ABHD18: variants seen among roughly 807,000 people sequenced by gnomAD.
ABHD18 encodes abhydrolase domain containing 18.
ABHD18 carries 55 observed loss-of-function variants against 65.9 expected under a neutral mutation model. That is an observed-to-expected ratio of 0.84 (90% CI 0.67 to 1.05). The LOEUF (loss-of-function observed/expected upper bound fraction) is 1.05, where lower values mean the gene tolerates loss of function less well. ABHD18 is among the 50% of genes least tolerant of loss of function. The probability of loss-of-function intolerance (pLI) is 0.00; values close to 1 mark genes in which losing one functional copy is unlikely to be tolerated. For synonymous variants in ABHD18, 181 were observed against 180.2 expected (o/e 1.00, Z -0.04); for missense variants, 533 against 558.5 (o/e 0.95, Z 0.46).
chr4:128,003,322 C>T (rs111642611), intron 4 of ABHD18, among the ~76,000 whole-genome samples: 6,890 of 150,874 alleles, frequency 0.046, 352 homozygotes, highest in African/African-American at 0.13. Context: ...GAGCCGAGAT[C>T]GCGCCACTGT....
rs1759173624 is a variant in ABHD18 at position 128,039,475 on chromosome 4, T to A, written c.*3662T>A. 1 of 152,078 alleles carries A rather than the reference T, an allele frequency of 6.6e-6. No homozygotes were observed. The highest frequency in any genetic ancestry group is 2.4e-5 in the African/African-American group (1 of 41,454). 9.4% of individuals were successfully genotyped at this position (152,078 alleles called of 1,614,324 possible). On this transcript the variant is annotated 3_prime_UTR_variant, in exon 13 of 13. Coordinates refer to ENST00000645843, the MANE Select transcript of ABHD18 (RefSeq NM_001358451.3). ...TGCTCAGCCCTGAAGACCTCTAAGT[T>A]TGAGACCCCTGATTTAGATCTGTAA...
At chr4:128,033,503 G>A (rs1274158459) in intron 12 of ABHD18, among the ~76,000 whole-genome samples, 1 of 149,396 alleles carries the variant, frequency 6.7e-6, no homozygotes, top group Non-Finnish European at 1.5e-5. Flanking sequence ...CTATTAGCAG[G>A]CTATCAGTTT....
intron 12 of ABHD18, chr4:128,031,087 T>C: frequency 2.0e-6 from 2 of 990,434 alleles, no homozygotes; most frequent in South Asian, 9.2e-5. Context: ...AAGTGAATAT[T>C]GAACCTTAAA....
intron 12 of ABHD18, among the ~76,000 whole-genome samples, chr4:128,033,947 A>G (rs1228133076): frequency 7.2e-6 from 1 of 139,130 alleles, no homozygotes; most frequent in African/African-American, 2.7e-5. Context: ...ATAGACATGC[A>G]TTTTCTTTTT....
chr4:128,033,319 T>A (rs1282505409), intron 12 of ABHD18, among the ~76,000 whole-genome samples: 2 of 152,148 alleles, frequency 1.3e-5, no homozygotes, highest in African/African-American at 4.8e-5. Flanking sequence ...ATTGCTGTCA[T>A]ATCTGTCTTC....
chr4:128,011,695 C>T lies in ABHD18; in HGVS notation c.465C>T (p.Asp155=), dbSNP rs1279059299. The T allele has an allele frequency of 1.9e-6, 3 of 1,549,556 alleles. No homozygotes were observed. The highest frequency in any genetic ancestry group is 1.4e-5 in the African/African-American group (1 of 72,956). Residue 155 remains aspartate (D), a synonymous_variant, in exon 7 of 13, where the codon GAC becomes GAT. Transcript: ENST00000645843. ...NPYYGCRKPK[D]QVRSSLKNVS... ...TAAATGGCTGCAGGAAACCCAAGGA[C>T]CAAGTGTAAGTATATATCACTTTCA...
At position 128,037,474 on chromosome 4, in the gene ABHD18, A is replaced by T. The variant is rs1395848280; in HGVS notation, c.*1661A>T. On this transcript the variant is annotated 3_prime_UTR_variant, in exon 13 of 13. Transcript: ENST00000645843. ...TCCTGCCTCCACCTGAGTAGCTGAGATTACAGGTGCCCGCCACCATGCCTG... is the reference window on the plus strand; with the variant it reads ...TCCTGCCTCCACCTGAGTAGCTGAGTTTACAGGTGCCCGCCACCATGCCTG... The T allele has an allele frequency of 2.6e-5, 4 of 151,652 alleles. No individual in the cohort carries two copies. Among genetic ancestry groups the T allele is most frequent in the Non-Finnish European group, 5.9e-5 (4 of 67,962 alleles). The allele number at this position is 151,652 out of a possible 1,614,324, so 9.4% of individuals were successfully genotyped here.
At chr4:127,990,515 G>C (rs1307244302) in intron 4 of ABHD18, among the ~76,000 whole-genome samples, 3 of 152,034 alleles carry the variant, frequency 2.0e-5, no homozygotes, top group African/African-American at 7.2e-5. Context: ...AGTGAGCCAA[G>C]TGTGCCACTG....
chr4:127,968,095 G>C (rs1318834679), intron 1 of ABHD18, among the ~76,000 whole-genome samples: 2 of 152,226 alleles, frequency 1.3e-5, no homozygotes, highest in African/African-American at 2.4e-5. Flanking sequence ...TGTAGTCCCA[G>C]CTACTCGGAG....
rs33997142 is a variant in ABHD18 at position 128,038,995 on chromosome 4, T to TC, written c.*3188dup. The TC allele has an allele frequency of 6.6e-6, 1 of 151,094 alleles. No homozygotes were observed. The highest frequency in any genetic ancestry group is 1.5e-5 in the Non-Finnish European group (1 of 67,790). The allele number at this position is 151,094 out of a possible 1,614,324, so 9.4% of individuals were successfully genotyped here. ...CTTTTCTTAGGATTTTTTAATCTAT[T>TC]CCCCCCAAAATGGTGGCTTAAGTGT... On this transcript the variant is annotated 3_prime_UTR_variant, in exon 13 of 13. Transcript: ENST00000645843.
Position 127,994,374 on chromosome 4 carries a change from C to T in ABHD18, c.278+4553C>T, listed in dbSNP as rs149298616. ...CTTTGGGAGGCCGAGGTGGGCAGAT[C>T]ACCTTGAGGTCAGGAGTTCGAGACC... On this transcript the variant is annotated intron_variant, in intron 4 of 12. Transcript: ENST00000645843. 6.0e-3 allele frequency among the ~76,000 whole-genome samples: 912 copies of T among 152,252 alleles called. 9 individuals are homozygous for T. The highest frequency in any genetic ancestry group is 0.021 in the African/African-American group (867 of 41,548).
chr4:127,979,124 A>C (rs1748507146), intron 1 of ABHD18, among the ~76,000 whole-genome samples: 1 of 152,242 alleles, frequency 6.6e-6, no homozygotes, highest in African/African-American at 2.4e-5. Flanking sequence ...AATAAATATA[A>C]ATGTCCTAAA....
At chr4:128,007,582 A>G (rs1753814942) in intron 4 of ABHD18, among the ~76,000 whole-genome samples, 1 of 151,742 alleles carries the variant, frequency 6.6e-6, no homozygotes, top group Admixed American at 6.6e-5. Context: ...TGTCTAAAAA[A>G]AATGAAAAAT....
rs61578534 is a variant in ABHD18, at chr4:128,039,144, C to CATAT, written c.*3369_*3372dup. ...TATGTATTATATATACACACATATGCATATATATATATATATATATATATA... is the reference window on the plus strand; with the variant it reads ...TATGTATTATATATACACACATATGCATATATATATATATATATATATATATATA... On this transcript the variant is annotated 3_prime_UTR_variant, in exon 13 of 13. Transcript: ENST00000645843. 3,721 of 99,142 alleles carry CATAT rather than the reference C, an allele frequency of 0.038. 75 individuals are homozygous for CATAT. The highest frequency in any genetic ancestry group is 0.048 in the South Asian group (144 of 3,010). The allele number at this position is 99,142 out of a possible 1,614,324, so 6.1% of individuals were successfully genotyped here.
intron 7 of ABHD18, among the ~76,000 whole-genome samples, chr4:128,014,925 G>T (rs1289702573): frequency 1.3e-5 from 2 of 151,876 alleles, no homozygotes; most frequent in East Asian, 3.9e-4. Flanking sequence ...TAAAAATACA[G>T]AAATTAGCTG....
intron 1 of ABHD18, among the ~76,000 whole-genome samples, chr4:127,972,518 C>T (rs1747026652): frequency 2.4e-5 from 3 of 125,594 alleles, no homozygotes; most frequent in South Asian, 5.2e-4. Context: ...ACCAGATATA[C>T]TCTTTTTTTT....
chr4:128,037,921 C>T lies in ABHD18; in HGVS notation c.*2108C>T, dbSNP rs1467543213. 2 of 151,896 alleles carry T rather than the reference C, an allele frequency of 1.3e-5. No homozygotes were observed. Among genetic ancestry groups the T allele is most frequent in the African/African-American group, 4.8e-5 (2 of 41,374 alleles). 9.4% of individuals were successfully genotyped at this position (151,896 alleles called of 1,614,324 possible). On this transcript the variant is annotated 3_prime_UTR_variant, in exon 13 of 13. Transcript: ENST00000645843. ...CTGTCAGCTAAAATGTTAAAAAAGT[C>T]GAAAATATTTTAGGGTATTGTGTGA... is the stretch of plus-strand genomic sequence containing the variant.
At chr4:128,001,856 T>A in intron 4 of ABHD18, 1 of 1,322,144 alleles carries the variant, frequency 7.6e-7, no homozygotes, top group Non-Finnish European at 1.0e-6. Context: ...GTTTTTTTTT[T>A]TAATTCCTTG....
At chr4:128,033,439 GA>G (rs1758485125) in intron 12 of ABHD18, among the ~76,000 whole-genome samples, 2 of 149,828 alleles carry the variant, frequency 1.3e-5, no homozygotes, top group South Asian at 4.2e-4. Context: ...TTGAGCCAAA[GA>G]AAGACAAGCA....
Sources: allele counts gnomAD v4.1 joint callset (sites outside exome capture counted in the v4.1 genomes callset), GRCh38; gene constraint gnomAD v4.1.1; transcripts MANE v1.5; gene names NCBI Gene and HGNC (gene_info 2026-07-23, HGNC 2026-07-21).